ASTN2: variants seen among roughly 807,000 people sequenced by gnomAD.
ASTN2 encodes the protein astrotactin-2.
In ASTN2, 54 loss-of-function variants were observed where a neutral mutation model predicts 139.8. The ratio of observed to expected loss-of-function variants is 0.39; its 90% CI spans 0.31 to 0.48. The LOEUF (loss-of-function observed/expected upper bound fraction) is 0.48. Ranked by LOEUF, ASTN2 falls within the 20% of genes least tolerant of loss-of-function variation. The pLI, the probability that ASTN2 is intolerant of heterozygous loss-of-function variation, is 0.95. For missense variants in ASTN2, 1,565 were observed against 1,725.1 expected, an observed-to-expected ratio of 0.91 and a Z score of 1.64; for synonymous variants, 756 against 719.5, an observed-to-expected ratio of 1.05 and a Z score of -0.81.
At chr9:116,881,173 A>G (rs941493929) in intron 10 of ASTN2, among the ~76,000 whole-genome samples, 9 of 152,204 alleles carry the variant, frequency 5.9e-5, no homozygotes, top group Non-Finnish European at 1.0e-4. Flanking sequence ...CCCATACCCA[A>G]TGAGCCCATT....
At chr9:116,540,011 T>C (rs919770973) in intron 19 of ASTN2, among the ~76,000 whole-genome samples, 2 of 152,164 alleles carry the variant, frequency 1.3e-5, no homozygotes, top group African/African-American at 4.8e-5. Flanking sequence ...AAATGGCACA[T>C]AAAATAAAGT....
At chr9:116,635,899 C>CA (rs1055486056) in intron 17 of ASTN2, among the ~76,000 whole-genome samples, 9 of 152,176 alleles carry the variant, frequency 5.9e-5, no homozygotes, top group African/African-American at 2.2e-4. Context: ...ACCCAGTTTC[C>CA]AAGGGGCTGA....
intron 3 of ASTN2, among the ~76,000 whole-genome samples, chr9:117,212,734 G>A (rs1564482047): frequency 6.6e-6 from 1 of 152,104 alleles, no homozygotes; most frequent in Non-Finnish European, 1.5e-5. Context: ...AAACTGCAAT[G>A]AGGTATAATC....
chr9:116,729,425 C>G (rs1439525337), intron 14 of ASTN2, among the ~76,000 whole-genome samples: 1 of 152,228 alleles, frequency 6.6e-6, no homozygotes, highest in Admixed American at 6.5e-5. Flanking sequence ...GTTTCCACAT[C>G]TGACACTGTA....
intron 13 of ASTN2, among the ~76,000 whole-genome samples, chr9:116,800,051 C>G (rs1341454534): frequency 6.6e-6 from 1 of 152,152 alleles, no homozygotes; most frequent in Non-Finnish European, 1.5e-5. Flanking sequence ...TCCAGTCTCT[C>G]AAAACAAGCC....
intron 17 of ASTN2, among the ~76,000 whole-genome samples, chr9:116,646,575 G>A (rs1463744144): frequency 6.6e-6 from 1 of 152,080 alleles, no homozygotes; most frequent in Non-Finnish European, 1.5e-5. Context: ...GACCTGCAGT[G>A]GGTCTATCCC....
At chr9:116,761,696 G>A (rs1054353203) in intron 13 of ASTN2, among the ~76,000 whole-genome samples, 1 of 152,138 alleles carries the variant, frequency 6.6e-6, no homozygotes. Flanking sequence ...ACACTTGAGA[G>A]ATGGGCTTGA....
At chr9:116,863,905 G>T (rs1832956726) in intron 10 of ASTN2, among the ~76,000 whole-genome samples, 172 bp from the exon 11 acceptor site, 1 of 152,106 alleles carries the variant, frequency 6.6e-6, no homozygotes, top group Non-Finnish European at 1.5e-5. Context: ...ATATGACACG[G>T]TGCTTGTCAA....
chr9:117,285,434 T>G (rs970551582), intron 2 of ASTN2, among the ~76,000 whole-genome samples: 6 of 152,268 alleles, frequency 3.9e-5, no homozygotes, highest in African/African-American at 1.2e-4. Flanking sequence ...GTTGGAGCAA[T>G]GATATAAAGC....
chr9:116,567,249 C>T (rs905182728), intron 19 of ASTN2, among the ~76,000 whole-genome samples: 4 of 152,172 alleles, frequency 2.6e-5, no homozygotes, highest in Non-Finnish European at 5.9e-5. Flanking sequence ...TTTACCTGAA[C>T]GTGGACTTGG....
chr9:116,803,985 G>C (rs1051977921), intron 13 of ASTN2, among the ~76,000 whole-genome samples: 30 of 152,058 alleles, frequency 2.0e-4, no homozygotes, highest in Non-Finnish European at 3.8e-4. Context: ...TTCCAGTAAA[G>C]TAGCATTCAG....
chr9:117,231,505 A>G (rs903927344), intron 2 of ASTN2, among the ~76,000 whole-genome samples: 21 of 152,352 alleles, frequency 1.4e-4, no homozygotes, highest in African/African-American at 4.8e-4. Flanking sequence ...TCTATCTGAT[A>G]TAATTGTAAA....
intron 2 of ASTN2, among the ~76,000 whole-genome samples, chr9:117,222,437 T>G (rs1158304840): frequency 6.6e-6 from 1 of 152,008 alleles, no homozygotes. Flanking sequence ...AGGAGACTTG[T>G]CAGAGTACGT....
rs142754514 is a variant in ASTN2, at chr9:117,400,989, G to A, written c.442+13508C>T. 9.1e-4 allele frequency among the ~76,000 whole-genome samples: 139 copies of A among 152,256 alleles called. 1 individual carries two copies. The East Asian group carries it at 0.024, about 27-fold the overall frequency. On this transcript the variant is annotated intron_variant, in intron 1 of 22. Coordinates refer to ENST00000313400, the MANE Select transcript of ASTN2 (RefSeq NM_001365068.1). ...CTCCAGCTGCAAAAGAGGTAGGGAG[G>A]GGGCTGGTATTAGGGATTAAGGTAC...
intron 3 of ASTN2, among the ~76,000 whole-genome samples, chr9:117,208,508 G>T (rs774939750): frequency 6.6e-6 from 1 of 151,958 alleles, no homozygotes; most frequent in African/African-American, 2.4e-5. Context: ...AAAGCCTCAA[G>T]TAAGTGAAAA....
In ASTN2 at chr9:117,136,931, G is replaced by A. The variant is rs576734156; in HGVS notation, c.1168+4395C>T. ...AGAGCTCTTATTAATTAGCTTAAGA[G>A]CATTTAGTTAGTCAATGGTGGAATT... On this transcript the variant is annotated intron_variant, in intron 4 of 22. Transcript: ENST00000313400. Among the ~76,000 whole-genome samples the A allele has an allele frequency of 3.3e-5, 5 of 152,294 alleles. No individual in the cohort carries two copies. The East Asian group carries it at 5.8e-4, about 18-fold the overall frequency.
intron 20 of ASTN2, among the ~76,000 whole-genome samples, chr9:116,475,921 C>T (rs1433574842): frequency 3.9e-5 from 6 of 152,194 alleles, no homozygotes; most frequent in African/African-American, 9.7e-5. Flanking sequence ...CGTTGTCTCT[C>T]GTCCCCCAGC....
At chr9:116,939,309 T>C (rs1156712047) in intron 10 of ASTN2, among the ~76,000 whole-genome samples, 1 of 152,174 alleles carries the variant, frequency 6.6e-6, no homozygotes, top group Non-Finnish European at 1.5e-5. Context: ...AAATACTCAA[T>C]AAAATAATCA....
Position 116,994,549 on chromosome 9 carries a change from T to C in ASTN2, c.1591+13543A>G, listed in dbSNP as rs144225713. Among the ~76,000 whole-genome samples, 62 of 152,356 alleles carry C rather than the reference T, an allele frequency of 4.1e-4. 1 individual carries two copies. The highest frequency in any genetic ancestry group is 1.3e-3 in the African/African-American group (56 of 41,592). Reference sequence around the variant, plus strand: ...TTGTTGCAACAATGGAAATGCTCTATATCTCTCCAATATGAAAGCCACCAG... The same window carrying C: ...TTGTTGCAACAATGGAAATGCTCTACATCTCTCCAATATGAAAGCCACCAG... On this transcript the variant is annotated intron_variant, in intron 7 of 22. Transcript: ENST00000313400.
Sources: allele counts gnomAD v4.1 joint callset (sites outside exome capture counted in the v4.1 genomes callset), GRCh38; gene constraint gnomAD v4.1.1; transcripts MANE v1.5; gene names NCBI Gene and HGNC (gene_info 2026-07-23, HGNC 2026-07-21).